The following DCC variants were observed in gnomAD, a reference collection of about 807,000 sequenced individuals.
DCC encodes netrin receptor DCC.
DCC carries 58 observed loss-of-function variants against 172.5 expected under a neutral mutation model. The ratio of observed to expected loss-of-function variants is 0.34; its 90% CI spans 0.27 to 0.42. The LOEUF is 0.42. Ranked by LOEUF, DCC falls within the 10% of genes least tolerant of loss-of-function variation. The pLI is 1.00. For missense variants in DCC, 1,740 were observed against 1,791.0 expected (o/e 0.97, Z 0.51); for synonymous variants, 709 against 644.5 (o/e 1.10, Z -1.52).
intron 5 of DCC, among the ~76,000 whole-genome samples, chr18:52,939,699 TGAA>T (rs1418187337): frequency 6.6e-6 from 1 of 152,172 alleles, no homozygotes; most frequent in African/African-American, 2.4e-5. Flanking sequence ...ACTTTAAAGA[TGAA>T]GAAATTGAGG....
chr18:53,267,145 T>TAG (rs1218864450), intron 12 of DCC, among the ~76,000 whole-genome samples: 11 of 150,110 alleles, frequency 7.3e-5, no homozygotes, highest in African/African-American at 1.5e-4. Context: ...TATATATATA[T>TAG]ATATAGAGAG....
At chr18:52,646,544 C>G (rs577994197) in intron 1 of DCC, among the ~76,000 whole-genome samples, 1 of 152,114 alleles carries the variant, frequency 6.6e-6, no homozygotes, top group East Asian at 1.9e-4. Context: ...ACCCAGCTAT[C>G]GATTGGGGGT....
intron 1 of DCC, among the ~76,000 whole-genome samples, chr18:52,541,713 A>G (rs2063424709): frequency 6.6e-6 from 1 of 151,742 alleles, no homozygotes; most frequent in Non-Finnish European, 1.5e-5. Context: ...TTCATCCTTG[A>G]TATTCTTGTT....
At chr18:52,586,494 A>G (rs929180903) in intron 1 of DCC, among the ~76,000 whole-genome samples, 2 of 152,104 alleles carry the variant, frequency 1.3e-5, no homozygotes, top group Non-Finnish European at 2.9e-5. Context: ...GAGGAGCCCA[A>G]AGTGTCCAGG....
chr18:53,520,133 T>G (rs1245462498), intron 27 of DCC, among the ~76,000 whole-genome samples: 4 of 152,096 alleles, frequency 2.6e-5, no homozygotes, highest in African/African-American at 4.8e-5. Flanking sequence ...TCCCAGGAAG[T>G]GTGGCAATGC....
At chr18:53,296,342 T>C (rs146621257) in intron 12 of DCC, among the ~76,000 whole-genome samples, 365 of 152,266 alleles carry the variant, frequency 2.4e-3, no homozygotes, top group Non-Finnish European at 4.2e-3. Flanking sequence ...CTTAAAGTAG[T>C]TCTGATTTAC....
In DCC at chr18:53,499,364, G is replaced by A. The variant is rs751411482; in HGVS notation, c.3965G>A (p.Ser1322Asn). 1 of 1,614,080 alleles carries A rather than the reference G, an allele frequency of 6.2e-7. No homozygotes were observed. Among genetic ancestry groups the A allele is most frequent in the Non-Finnish European group, 8.5e-7 (1 of 1,180,012 alleles). Reference sequence around the variant, plus strand: ...CCCCCATCTCAGCCTGAGCATTCTAGCAGCGAGGAGGCACCAAGCAGAACC... The same window carrying A: ...CCCCCATCTCAGCCTGAGCATTCTAACAGCGAGGAGGCACCAAGCAGAACC... ...MLPPSQPEHS[S>N]SEEAPSRTIP... Residue 1322 changes from serine to asparagine, a missense_variant, in exon 27 of 29, where the codon AGC (serine) becomes AAC (asparagine). Coordinates refer to ENST00000442544, the MANE Select transcript of DCC (RefSeq NM_005215.4).
chr18:52,878,064 C>T (rs969826879), intron 2 of DCC, among the ~76,000 whole-genome samples: 2 of 152,074 alleles, frequency 1.3e-5, no homozygotes, highest in Admixed American at 1.3e-4. Flanking sequence ...CTTCCTCCTC[C>T]CTCCCCAAAA....
chr18:52,430,391 C>G lies in DCC; in HGVS notation c.91+89513C>G, dbSNP rs552378336. The stretch of plus-strand genomic sequence containing the variant: ...GTGAATGCAACATACTTTTACAGTA[C>G]AAGAAAAAATGCATTGGTTAATTGG... On this transcript the variant is annotated intron_variant, in intron 1 of 28. Transcript: ENST00000442544. Among the ~76,000 whole-genome samples, 280 of 131,690 alleles carry G rather than the reference C, an allele frequency of 2.1e-3. 1 individual carries two copies. Among genetic ancestry groups the G allele is most frequent in the African/African-American group, 7.2e-3 (266 of 37,088 alleles). 86.4% of individuals were successfully genotyped at this position (131,690 alleles called of 152,430 possible).
At chr18:52,354,034 G>C (rs368337607) in intron 1 of DCC, among the ~76,000 whole-genome samples, 1 of 152,308 alleles carries the variant, frequency 6.6e-6, no homozygotes, top group South Asian at 2.1e-4. Context: ...TAAGGGAAGA[G>C]AGAGAACAAA....
intron 2 of DCC, among the ~76,000 whole-genome samples, chr18:52,799,158 T>C (rs1268395272): frequency 1.3e-5 from 2 of 152,250 alleles, no homozygotes; most frequent in East Asian, 1.9e-4. Flanking sequence ...GATTTTCTTC[T>C]GAAATTAGAA....
At chr18:52,865,051 T>C (rs2039200621) in intron 2 of DCC, among the ~76,000 whole-genome samples, 1 of 151,774 alleles carries the variant, frequency 6.6e-6, no homozygotes, top group South Asian at 2.1e-4. Flanking sequence ...ATTTTTAGTA[T>C]AGATGGGGTT....
intron 5 of DCC, among the ~76,000 whole-genome samples, chr18:52,974,300 C>T (rs1333993010): frequency 1.3e-5 from 2 of 152,124 alleles, no homozygotes; most frequent in African/African-American, 4.8e-5. Flanking sequence ...GGTCTTTTAT[C>T]TGGTGCTAGT....
chr18:52,758,789 G>A (rs2037114783), intron 2 of DCC: 1 of 152,090 alleles, frequency 6.6e-6, no homozygotes. Flanking sequence ...CTCTACAGGA[G>A]CAAATATAAG....
intron 23 of DCC, among the ~76,000 whole-genome samples, chr18:53,451,850 T>C (rs951158025): frequency 9.9e-5 from 15 of 152,182 alleles, no homozygotes; most frequent in African/African-American, 2.9e-4. Context: ...GGGGAAGATA[T>C]ACATACTGAA....
intron 25 of DCC, among the ~76,000 whole-genome samples, chr18:53,474,200 TG>T (rs2045733634): frequency 6.6e-6 from 1 of 152,178 alleles, no homozygotes; most frequent in Non-Finnish European, 1.5e-5. Flanking sequence ...TATAAGAATG[TG>T]GGTTATTTGT....
chr18:53,076,751 G>C (rs2144122632), intron 7 of DCC, among the ~76,000 whole-genome samples: 1 of 152,242 alleles, frequency 6.6e-6, no homozygotes, highest in East Asian at 1.9e-4. Context: ...CAGAAGAGAA[G>C]TCATCCAAGT....
chr18:52,959,548 T>G lies in DCC; in HGVS notation c.985+34178T>G, dbSNP rs1021987410. ...CACCCAGATAGTGTGACGGGTTTGC[T>G]CCCCTCCCTTCCTCCCCACTTTTTG... On this transcript the variant is annotated intron_variant, in intron 5 of 28. Coordinates refer to ENST00000442544, the MANE Select transcript of DCC (RefSeq NM_005215.4). Among the ~76,000 whole-genome samples the G allele has an allele frequency of 2.0e-5, 3 of 148,550 alleles. No homozygotes were observed. The East Asian group carries it at 5.8e-4, about 29-fold the overall frequency.
At chr18:52,794,789 C>G (rs1038518450) in intron 2 of DCC, among the ~76,000 whole-genome samples, 2 of 151,750 alleles carry the variant, frequency 1.3e-5, no homozygotes, top group Admixed American at 1.3e-4. Flanking sequence ...TATATATGGT[C>G]TTTCTTTATT....
Sources: gnomAD v4.1 joint callset for allele counts (sites outside exome capture counted in the v4.1 genomes callset) on GRCh38, gnomAD v4.1.1 for gene constraint, MANE v1.5 for transcripts, NCBI Gene and HGNC (gene_info 2026-07-23, HGNC 2026-07-21) for gene names.